Variants in SAMD3 observed in about 807,000 individuals in gnomAD.
The protein encoded by SAMD3 is sterile alpha motif domain containing 3.
In SAMD3, 63 loss-of-function variants were observed where a neutral mutation model predicts 58.5. The observed-to-expected ratio is 1.08, with a 90% CI of 0.88 to 1.33. The LOEUF (loss-of-function observed/expected upper bound fraction) is 1.33, where lower values mean the gene tolerates loss of function less well. Ranked by LOEUF, SAMD3 falls within the 40% of genes most tolerant of loss-of-function variation. The probability of loss-of-function intolerance (pLI) is 0.00; values close to 1 mark genes in which losing one functional copy is unlikely to be tolerated. For synonymous variants in SAMD3, 220 were observed against 210.3 expected, an observed-to-expected ratio of 1.05 and a Z score of -0.40; for missense variants, 604 against 608.4, an observed-to-expected ratio of 0.99 and a Z score of 0.08.
intron 2 of SAMD3, among the ~76,000 whole-genome samples, chr6:130,309,757 C>T (rs1033091194): frequency 1.3e-5 from 2 of 152,204 alleles, no homozygotes. Flanking sequence ...AATCCATTTT[C>T]ACTGCCATTG....
chr6:130,187,061 T>C (rs1005703754), intron 5 of SAMD3, among the ~76,000 whole-genome samples: 2 of 152,164 alleles, frequency 1.3e-5, no homozygotes, highest in African/African-American at 2.4e-5. Flanking sequence ...TGAGCCACCG[T>C]GCCTGGGCCT....
At position 130,154,811 on chromosome 6, in the gene SAMD3, T is replaced by C. The variant is rs201968239; in HGVS notation, c.1023+14A>G. ...ATATATATGTGTGTGTATATATATA[T>C]AGAATAAAGATACCTGATAAGGGCA... On this transcript the variant is annotated intron_variant, in intron 9 of 11. Transcript: ENST00000439090. 5.7e-5 allele frequency: 88 copies of C among 1,541,436 alleles called. No individual in the cohort carries two copies. In the African/African-American group the frequency reaches 1.1e-3, roughly 19 times the overall value.
At chr6:130,257,392 A>G (rs1183535760) in intron 2 of SAMD3, among the ~76,000 whole-genome samples, 2 of 152,236 alleles carry the variant, frequency 1.3e-5, no homozygotes, top group African/African-American at 4.8e-5. Context: ...TCATGACTGC[A>G]TTGACCTGAT....
chr6:130,220,875 T>TGA (rs1796190418), intron 1 of SAMD3, among the ~76,000 whole-genome samples: 1 of 151,958 alleles, frequency 6.6e-6, no homozygotes, highest in Non-Finnish European at 1.5e-5. Context: ...TTTTTTTTTT[T>TGA]GACAGTCTCG....
intron 2 of SAMD3, among the ~76,000 whole-genome samples, chr6:130,256,163 G>A (rs758957539): frequency 4.8e-4 from 72 of 151,194 alleles, no homozygotes; most frequent in Non-Finnish European, 8.2e-4. Context: ...GATGCACACT[G>A]GAAAGATAGA....
intron 5 of SAMD3, among the ~76,000 whole-genome samples, chr6:130,186,429 C>T (rs1421360872): frequency 1.3e-5 from 2 of 152,102 alleles, no homozygotes; most frequent in African/African-American, 2.4e-5. Flanking sequence ...TTTGGCGGTC[C>T]CTACTATATC....
At chr6:130,340,506 T>A (rs946575909) in intron 1 of SAMD3, among the ~76,000 whole-genome samples, 1 of 152,240 alleles carries the variant, frequency 6.6e-6, no homozygotes, top group South Asian at 2.1e-4. Flanking sequence ...TAATTCCATC[T>A]ACAGTTGTAA....
chr6:130,175,442 C>T (rs370240879), intron 8 of SAMD3, among the ~76,000 whole-genome samples: 3 of 152,208 alleles, frequency 2.0e-5, no homozygotes, highest in East Asian at 3.9e-4. Flanking sequence ...TTATTTCTTC[C>T]CTGAAACCTG....
intron 5 of SAMD3, among the ~76,000 whole-genome samples, chr6:130,190,807 C>T (rs1215165405): frequency 6.6e-6 from 1 of 152,016 alleles, no homozygotes; most frequent in East Asian, 1.9e-4. Context: ...TCATGTCGGT[C>T]AGTGGAGGGG....
intron 8 of SAMD3, among the ~76,000 whole-genome samples, chr6:130,168,179 A>G (rs1366608817): frequency 6.6e-6 from 1 of 152,156 alleles, no homozygotes; most frequent in Non-Finnish European, 1.5e-5. Flanking sequence ...CATGCCTGTA[A>G]TCCTAGCACT....
At chr6:130,143,666 G>T (rs188107267), downstream of SAMD3, 2 of 152,244 alleles carry the variant, frequency 1.3e-5, no homozygotes, top group Non-Finnish European at 2.9e-5. Flanking sequence ...TTCCCAAAAG[G>T]CCCTGGTCTA....
intron 5 of SAMD3, among the ~76,000 whole-genome samples, chr6:130,203,795 C>A (rs565873853): frequency 2.0e-5 from 3 of 152,318 alleles, no homozygotes; most frequent in Admixed American, 6.5e-5. Context: ...ATTGAGAAGA[C>A]AAATCACACA....
intron 1 of SAMD3, among the ~76,000 whole-genome samples, chr6:130,346,277 G>A (rs368240971): frequency 2.4e-4 from 37 of 152,124 alleles, no homozygotes; most frequent in African/African-American, 8.0e-4. Context: ...GTGAGGGATC[G>A]CCTCCCCTGG....
At chr6:130,364,957 C>G (rs1253921620) in intron 1 of SAMD3, among the ~76,000 whole-genome samples, 2 of 140,922 alleles carry the variant, frequency 1.4e-5, no homozygotes, top group African/African-American at 5.3e-5. Context: ...AGATCACACG[C>G]CGAAATAAAC....
At chr6:130,168,421 G>A (rs1172922784) in intron 8 of SAMD3, among the ~76,000 whole-genome samples, 2 of 151,876 alleles carry the variant, frequency 1.3e-5, no homozygotes, top group African/African-American at 4.8e-5. Context: ...GGCGACGAGT[G>A]AAACACCACC....
At chr6:130,307,128 A>G (rs1775935380) in intron 2 of SAMD3, among the ~76,000 whole-genome samples, 1 of 152,232 alleles carries the variant, frequency 6.6e-6, no homozygotes, top group African/African-American at 2.4e-5. Flanking sequence ...ATTCACAAAG[A>G]TCAAACTTTA....
chr6:130,302,761 A>C (rs896557935), intron 2 of SAMD3, among the ~76,000 whole-genome samples: 4 of 152,164 alleles, frequency 2.6e-5, no homozygotes, highest in African/African-American at 9.7e-5. Context: ...AAAAGAATGA[A>C]ATAATATTTT....
In SAMD3 at chr6:130,194,998, G is replaced by A. The variant is rs192460351; in HGVS notation, c.384-10375C>T. Among the ~76,000 whole-genome samples the A allele has an allele frequency of 1.3e-3, 205 of 152,228 alleles. 7 individuals are homozygous for A. In the East Asian group the frequency reaches 0.032, roughly 24 times the overall value. On this transcript the variant is annotated intron_variant, in intron 5 of 11. Coordinates refer to ENST00000439090, the MANE Select transcript of SAMD3 (RefSeq NM_001017373.4). ...AACTGTTGTGGGTATTGGCGGCCAGGCTTCTAAACCTCTTAAAACCCCCCA... is the reference window on the plus strand; with the variant it reads ...AACTGTTGTGGGTATTGGCGGCCAGACTTCTAAACCTCTTAAAACCCCCCA...
intron 2 of SAMD3, among the ~76,000 whole-genome samples, chr6:130,260,615 T>A (rs942976214): frequency 6.6e-6 from 1 of 152,228 alleles, no homozygotes; most frequent in Non-Finnish European, 1.5e-5. Flanking sequence ...GCTACATTTC[T>A]TGGTTCCCTG....
Sources: allele counts gnomAD v4.1 joint callset (sites outside exome capture counted in the v4.1 genomes callset), GRCh38; gene constraint gnomAD v4.1.1; transcripts MANE v1.5; gene names NCBI Gene and HGNC (gene_info 2026-07-23, HGNC 2026-07-21).